TSGA10IP: variants seen among roughly 807,000 people sequenced by gnomAD.
The protein encoded by TSGA10IP is testis-specific protein 10-interacting protein.
TSGA10IP carries 64 observed loss-of-function variants against 63.2 expected under a neutral mutation model. The ratio of observed to expected loss-of-function variants is 1.01; its 90% CI spans 0.83 to 1.25. The LOEUF (loss-of-function observed/expected upper bound fraction) is 1.25. Ranked by LOEUF, TSGA10IP falls within the 50% of genes most tolerant of loss-of-function variation. TSGA10IP has a pLI of 0.00. For synonymous variants in TSGA10IP, 316 were observed against 298.3 expected (o/e 1.06, Z -0.61); for missense variants, 681 against 710.1 (o/e 0.96, Z 0.47).
chr11:65,947,517 C>T, exon 3 of TSGA10IP: 1 of 1,613,618 alleles, frequency 6.2e-7, no homozygotes, highest in Non-Finnish European at 8.5e-7. Flanking sequence ...GGTCTGAGTT[C>T]TGGGGTGCTG....
chr11:65,945,715 T>C (rs1347542702), exon 1 of TSGA10IP: 1 of 1,613,768 alleles, frequency 6.2e-7, no homozygotes. Flanking sequence ...CTACCAACAG[T>C]TGGTTAGGAC....
At position 65,947,267 on chromosome 11, in the gene TSGA10IP, C is replaced by T. The variant is rs376751149; in HGVS notation, c.442C>T (p.Arg148Cys). The T allele has an allele frequency of 1.4e-5, 23 of 1,611,462 alleles. No homozygotes were observed. The highest frequency in any genetic ancestry group is 3.3e-5 in the Admixed American group (2 of 59,722). The change falls in exon 3 of 8, where the codon CGC becomes TGC. Residue 148 changes from arginine (R) to cysteine (C), a missense_variant. Physicochemically the swap from Arg to Cys is radical, Grantham distance 180. Coordinates refer to ENST00000532620, the Ensembl canonical transcript of TSGA10IP. ...CTCGTTCTCCCAGCGTCAGTCCAGGCGCAAGTCCACGGCCAACCTCCCAGA... is the reference window on the plus strand; with the variant it reads ...CTCGTTCTCCCAGCGTCAGTCCAGGTGCAAGTCCACGGCCAACCTCCCAGA...
rs1320655532 is a variant in TSGA10IP at position 65,945,546 on chromosome 11, T to G, written c.-130T>G. On this transcript the variant is annotated 5_prime_UTR_variant, in exon 1 of 8. The change creates a new upstream start codon in the 5' untranslated region. Transcript: ENST00000532620. ...GCTGAACTCTCTCCCAGAAGGAGAT[T>G]GGCCTCACATACCCCACTGACCCCT... 5 of 978,004 alleles carry G rather than the reference T, an allele frequency of 5.1e-6. No individual in the cohort carries two copies. The African/African-American group carries it at 8.1e-5, about 16-fold the overall frequency. 60.6% of individuals were successfully genotyped at this position (978,004 alleles called of 1,614,324 possible).
intron 7 of TSGA10IP, 114 bp from the exon 8 acceptor site, chr11:65,959,703 A>G (rs935613383): frequency 4.8e-5 from 67 of 1,408,600 alleles, no homozygotes; most frequent in Non-Finnish European, 6.0e-5. Context: ...CACTTTGCCC[A>G]GGATCACACA....
chr11:65,945,579 A>G lies in TSGA10IP; in HGVS notation c.-97A>G, dbSNP rs994206916. 2.1e-6 allele frequency: 3 copies of G among 1,421,442 alleles called. No individual in the cohort carries two copies. In the Admixed American group the frequency reaches 6.0e-5, roughly 29 times the overall value. The allele number at this position is 1,421,442 out of a possible 1,614,324, so 88.1% of individuals were successfully genotyped here. A position where few individuals can be genotyped will look rare whatever the true frequency, so the allele number is the denominator to read the frequency against. ...CATACCCCACTGACCCCTTCCTAGC[A>G]TGCTTTTTGCCAGACCCATTGAGAC... On this transcript the variant is annotated 5_prime_UTR_variant, in exon 1 of 8. It removes an upstream start codon present in the reference 5' UTR. Coordinates refer to ENST00000532620, the Ensembl canonical transcript of TSGA10IP.
At chr11:65,953,030 C>CTTTTTTT (rs543769953) in intron 4 of TSGA10IP, among the ~76,000 whole-genome samples, 1 of 133,650 alleles carries the variant, frequency 7.5e-6, no homozygotes. Flanking sequence ...TTCTTTCTTT[C>CTTTTTTT]TTTTTTTTTT....
Position 65,951,837 on chromosome 11 carries a change from T to C in TSGA10IP, c.1152-1730T>C, listed in dbSNP as rs545966550. Among the ~76,000 whole-genome samples the C allele has an allele frequency of 3.3e-5, 5 of 151,402 alleles. No individual in the cohort carries two copies. In the South Asian group the frequency reaches 1.0e-3, roughly 32 times the overall value. ...TTGAGATTACAGGTGTGAGTCACCA[T>C]GCCCTGACTCTTTGCCTTTTTTTTT... On this transcript the variant is annotated intron_variant, in intron 4 of 7. Coordinates refer to ENST00000532620, the Ensembl canonical transcript of TSGA10IP.
At chr11:65,956,455 C>A (rs1284406621) in intron 5 of TSGA10IP, among the ~76,000 whole-genome samples, 5 of 148,132 alleles carry the variant, frequency 3.4e-5, no homozygotes, top group African/African-American at 1.2e-4. Context: ...GTCTTAATCA[C>A]CCCAATTTTA....
intron 4 of TSGA10IP, among the ~76,000 whole-genome samples, chr11:65,952,825 C>CT (rs936870478): frequency 7.4e-4 from 110 of 148,530 alleles, no homozygotes; most frequent in African/African-American, 2.3e-3. Context: ...CATGCCTGGC[C>CT]TTTTTTTTTG....
At chr11:65,948,095 C>T (rs769002141) in exon 4 of TSGA10IP, 15 of 1,596,990 alleles carry the variant, frequency 9.4e-6, no homozygotes, top group South Asian at 3.4e-5. Context: ...ATGAAACTTT[C>T]GTGTCTGCCA....
intron 5 of TSGA10IP, among the ~76,000 whole-genome samples, chr11:65,954,841 C>T (rs921707486): frequency 2.6e-5 from 4 of 151,490 alleles, no homozygotes; most frequent in Non-Finnish European, 4.4e-5. Context: ...AAAAGCCCAC[C>T]CTGAGGACTG....
At chr11:65,951,354 C>T (rs1279519821) in intron 4 of TSGA10IP, among the ~76,000 whole-genome samples, 1 of 151,984 alleles carries the variant, frequency 6.6e-6, no homozygotes, top group Non-Finnish European at 1.5e-5. Context: ...CACATCATCA[C>T]CAACCCTTAT....
In TSGA10IP at chr11:65,947,841, C is replaced by T. The variant is rs887881290; in HGVS notation, c.1003+13C>T. The T allele has an allele frequency of 1.3e-6, 2 of 1,535,120 alleles. No individual in the cohort carries two copies. The highest frequency in any genetic ancestry group is 8.8e-7 in the Non-Finnish European group (1 of 1,139,856). ...GACCTGGACTGTGGTGAGCGTGGGG[C>T]TCAGAGCCTGGATTCCCCCGAAGCT... On this transcript the variant is annotated intron_variant, in intron 3 of 7. Coordinates refer to ENST00000532620, the Ensembl canonical transcript of TSGA10IP.
chr11:65,952,777 A>G (rs1331384507), intron 4 of TSGA10IP, among the ~76,000 whole-genome samples: 1 of 149,252 alleles, frequency 6.7e-6, no homozygotes, highest in Non-Finnish European at 1.5e-5. Flanking sequence ...ATCCACCTGC[A>G]TCAGCCCCAA....
In TSGA10IP at chr11:65,954,510, C is replaced by T. The variant is rs141492319; in HGVS notation, c.1322+773C>T. 8.0e-3 allele frequency among the ~76,000 whole-genome samples: 1,223 copies of T among 152,026 alleles called. 17 individuals carry two copies. The highest frequency in any genetic ancestry group is 0.027 in the African/African-American group (1,115 of 41,468). On this transcript the variant is annotated intron_variant, in intron 5 of 7. Coordinates refer to ENST00000532620, the Ensembl canonical transcript of TSGA10IP. Reference sequence around the variant, plus strand: ...CCTAATAAGCAGATTTGTGGGCAAACGTTTTTGGACTCCTAACAGGTCCGT... The same window carrying T: ...CCTAATAAGCAGATTTGTGGGCAAATGTTTTTGGACTCCTAACAGGTCCGT...
At chr11:65,959,959 A>G (rs1339115316) in exon 8 of TSGA10IP, 3 of 1,612,538 alleles carry the variant, frequency 1.9e-6, no homozygotes, top group Non-Finnish European at 2.5e-6. Context: ...TAAAGGCTTT[A>G]TGGCAAACAC....
In TSGA10IP at chr11:65,945,805, GTC is replaced by G. The variant is rs1565304671; in HGVS notation, c.135_136del (p.Gln46GlyfsTer10). 2 of 1,613,864 alleles carry G rather than the reference GTC, an allele frequency of 1.2e-6. No homozygotes were observed. The highest frequency in any genetic ancestry group is 3.3e-5 in the Admixed American group (2 of 60,000). On this transcript the variant is annotated frameshift_variant, in exon 1 of 8. Coordinates refer to ENST00000532620, the Ensembl canonical transcript of TSGA10IP. LOFTEE classifies it high-confidence loss of function. ...GGGGCTGCTCAAGCTGCTGTCGACCGTCTCTCAGGACAAGCAGGTGAGGGAGG... is the reference window on the plus strand; with the variant it reads ...GGGGCTGCTCAAGCTGCTGTCGACCGTCTCAGGACAAGCAGGTGAGGGAGG...
intron 5 of TSGA10IP, among the ~76,000 whole-genome samples, chr11:65,956,379 C>T (rs955033936): frequency 5.3e-5 from 8 of 152,214 alleles, no homozygotes; most frequent in South Asian, 2.1e-4. Flanking sequence ...TCAGCTGATC[C>T]GCCCGCCTCA....
chr11:65,955,735 TC>T (rs1277713824), intron 5 of TSGA10IP, among the ~76,000 whole-genome samples: 1 of 152,124 alleles, frequency 6.6e-6, no homozygotes, highest in Non-Finnish European at 1.5e-5. Flanking sequence ...CACCTTACTA[TC>T]CTACCTTGGT....
Sources: gnomAD v4.1 joint callset for allele counts (sites outside exome capture counted in the v4.1 genomes callset) on GRCh38, gnomAD v4.1.1 for gene constraint, MANE v1.5 for transcripts, NCBI Gene and HGNC (gene_info 2026-07-23, HGNC 2026-07-21) for gene names.